CACNG2: variants seen among roughly 807,000 people sequenced by gnomAD.
The protein encoded by CACNG2 is voltage-dependent calcium channel gamma-2 subunit.
CACNG2 carries 3 observed loss-of-function variants against 25.9 expected under a neutral mutation model. The ratio of observed to expected loss-of-function variants is 0.12; its 90% CI spans 0.05 to 0.30. CACNG2 has a LOEUF of 0.30. Among genes scored for constraint, CACNG2 ranks in the 10% least tolerant of loss-of-function variants. CACNG2 has a pLI of 1.00. For missense variants in CACNG2, 341 were observed against 432.5 expected (o/e 0.79, Z 1.88); for synonymous variants, 167 against 173.3 (o/e 0.96, Z 0.29).
rs143040687 is a variant in CACNG2, at chr22:36,595,576, G to A, written c.212-8028C>T. Among the ~76,000 whole-genome samples the A allele has an allele frequency of 1.9e-3, 292 of 152,316 alleles. 2 individuals are homozygous for A. Among genetic ancestry groups the A allele is most frequent in the African/African-American group, 6.7e-3 (280 of 41,562 alleles). On this transcript the variant is annotated intron_variant, in intron 1 of 3. Coordinates refer to ENST00000300105, the MANE Select transcript of CACNG2 (RefSeq NM_006078.5). ...TTGGTGGGATTGGAGATTTGCAAAA[G>A]GACTGGTCCCATCAGAGGGCTGGGT...
intron 2 of CACNG2, among the ~76,000 whole-genome samples, chr22:36,583,432 C>CA (rs576152141): frequency 7.7e-4 from 46 of 59,882 alleles, no homozygotes; most frequent in Non-Finnish European, 1.1e-3. Flanking sequence ...GATTCCGTCT[C>CA]AAAAAAAAAA....
intron 2 of CACNG2, among the ~76,000 whole-genome samples, chr22:36,569,912 GAAGA>G (rs1935195826): frequency 6.6e-6 from 1 of 152,198 alleles, no homozygotes; most frequent in Non-Finnish European, 1.5e-5. Flanking sequence ...GGGAATGACA[GAAGA>G]GAGAAGGAAA....
At chr22:36,657,540 T>C (rs1323171034) in intron 1 of CACNG2, among the ~76,000 whole-genome samples, 1 of 152,004 alleles carries the variant, frequency 6.6e-6, no homozygotes, top group East Asian at 1.9e-4. Flanking sequence ...CGGAATTGCT[T>C]TTATTGGATA....
chr22:36,622,729 CG>C (rs1936124159), intron 1 of CACNG2, among the ~76,000 whole-genome samples: 2 of 152,218 alleles, frequency 1.3e-5, no homozygotes, highest in Admixed American at 1.3e-4. Flanking sequence ...AAGGCTGAGG[CG>C]GGCAGATCAC....
chr22:36,601,158 C>T (rs1935748950), intron 1 of CACNG2, among the ~76,000 whole-genome samples: 1 of 152,190 alleles, frequency 6.6e-6, no homozygotes, highest in Non-Finnish European at 1.5e-5. Flanking sequence ...CCTCTCACCC[C>T]AGATCTTGGT....
At chr22:36,636,407 G>T (rs866348240) in intron 1 of CACNG2, among the ~76,000 whole-genome samples, 12 of 152,284 alleles carry the variant, frequency 7.9e-5, no homozygotes, top group Middle Eastern at 3.4e-3. Flanking sequence ...CCTAGATCAG[G>T]TTCCCCCGGG....
At chr22:36,614,982 A>T (rs1936002367) in intron 1 of CACNG2, among the ~76,000 whole-genome samples, 1 of 152,150 alleles carries the variant, frequency 6.6e-6, no homozygotes, top group Non-Finnish European at 1.5e-5. Flanking sequence ...GCCAGATGAC[A>T]AGGGCCTCTG....
intron 1 of CACNG2, among the ~76,000 whole-genome samples, chr22:36,692,103 T>C (rs138488516): frequency 1.3e-5 from 2 of 152,266 alleles, no homozygotes; most frequent in African/African-American, 4.8e-5. Context: ...GGGTCAGCAG[T>C]GGCTGGTCTC....
rs113806377 is a variant in CACNG2, at chr22:36,631,963, T to C, written c.212-44415A>G. ...TTGGATTCAATGGGAATCAGAATCA[T>C]TTTCCTATTCAAAGAAAAGTTTTAT... On this transcript the variant is annotated intron_variant, in intron 1 of 3. Transcript: ENST00000300105. 2.6e-3 allele frequency among the ~76,000 whole-genome samples: 399 copies of C among 152,164 alleles called. 5 individuals carry two copies. Among genetic ancestry groups the C allele is most frequent in the Middle Eastern group, 0.024 (7 of 294 alleles).
At chr22:36,607,336 C>T (rs1005992062) in intron 1 of CACNG2, among the ~76,000 whole-genome samples, 1 of 152,204 alleles carries the variant, frequency 6.6e-6, no homozygotes, top group Non-Finnish European at 1.5e-5. Flanking sequence ...CAGCCTTGCA[C>T]TCCCCAGGCT....
At chr22:36,574,462 G>A (rs1935281989) in intron 2 of CACNG2, among the ~76,000 whole-genome samples, 1 of 152,130 alleles carries the variant, frequency 6.6e-6, no homozygotes, top group Admixed American at 6.5e-5. Context: ...GACTGGGAGA[G>A]GACCCAGCCT....
chr22:36,574,713 T>A (rs532961465), intron 2 of CACNG2, among the ~76,000 whole-genome samples: 8 of 151,872 alleles, frequency 5.3e-5, no homozygotes, highest in African/African-American at 1.9e-4. Flanking sequence ...ACCTGGGAGG[T>A]GGAGGTTGCC....
intron 1 of CACNG2, among the ~76,000 whole-genome samples, chr22:36,632,483 TC>T (rs1936289396): frequency 6.6e-6 from 1 of 151,700 alleles, no homozygotes; most frequent in Admixed American, 6.6e-5. Context: ...TCTCTCTCTC[TC>T]TCTCTCTCTC....
intron 2 of CACNG2, among the ~76,000 whole-genome samples, chr22:36,576,004 C>A (rs1935306034): frequency 6.6e-6 from 1 of 152,218 alleles, no homozygotes; most frequent in Non-Finnish European, 1.5e-5. Flanking sequence ...CTCTTCCCAT[C>A]TTCTCCTTCC....
chr22:36,659,920 G>C (rs950691928), intron 1 of CACNG2, among the ~76,000 whole-genome samples: 1 of 151,884 alleles, frequency 6.6e-6, no homozygotes, highest in Non-Finnish European at 1.5e-5. Flanking sequence ...TGACTCATTC[G>C]CCTTGGCTCC....
rs1935093312 is a variant in CACNG2, at chr22:36,564,585, G to A, written c.738C>T (p.Pro246=). The A allele has an allele frequency of 1.2e-6, 2 of 1,614,062 alleles. No homozygotes were observed. The highest frequency in any genetic ancestry group is 2.2e-5 in the South Asian group (2 of 91,076). ...CGGGGGAGGCGTCCCTGGAGTGTGAGGGCTCCGTGGAGCGCGAGCTGGAGC... is the reference window on the plus strand; with the variant it reads ...CGGGGGAGGCGTCCCTGGAGTGTGAAGGCTCCGTGGAGCGCGAGCTGGAGC... The part of the protein sequence containing the change: ...RSRSSSRSTE[P]SHSRDASPVG... Residue 246 remains proline (P), a synonymous_variant, in exon 4 of 4, where the codon CCC becomes CCT. Coordinates refer to ENST00000300105, the MANE Select transcript of CACNG2 (RefSeq NM_006078.5). This position sits in a 1 kb window ranked among gnomAD's most constrained non-coding sequence, Gnocchi z 6.7.
intron 1 of CACNG2, among the ~76,000 whole-genome samples, chr22:36,600,600 G>GC (rs944112297): frequency 1.3e-5 from 2 of 150,844 alleles, no homozygotes; most frequent in Admixed American, 1.3e-4. Flanking sequence ...AGGCTGGAGT[G>GC]CAGTGGTGTG....
intron 1 of CACNG2, among the ~76,000 whole-genome samples, chr22:36,700,240 G>C (rs980510143): frequency 2.0e-5 from 3 of 152,212 alleles, no homozygotes; most frequent in Non-Finnish European, 2.9e-5. Context: ...AAAGGGGGTG[G>C]GCAGCACATT....
intron 1 of CACNG2, 28 bp downstream of exon 1, chr22:36,702,338 A>AG (rs758793846): frequency 3.2e-6 from 4 of 1,268,220 alleles, no homozygotes; most frequent in Admixed American, 4.4e-5. Flanking sequence ...TGGGGTGGAG[A>AG]GGGGGGAGGA....
Sources: gnomAD v4.1 joint callset for allele counts (sites outside exome capture counted in the v4.1 genomes callset) on GRCh38, gnomAD v4.1.1 for gene constraint, Gnocchi (gnomAD v3.1) non-coding constraint, MANE v1.5 for transcripts, NCBI Gene and HGNC (gene_info 2026-07-23, HGNC 2026-07-21) for gene names.